GMDS: variants seen among roughly 807,000 people sequenced by gnomAD.
The protein encoded by GMDS is GDP-mannose 4,6-dehydratase.
A neutral mutation model predicts 49.9 loss-of-function variants in GMDS; 20 were observed. The ratio of observed to expected loss-of-function variants is 0.40; its 90% confidence interval spans 0.28 to 0.58. The LOEUF is 0.58. Ranked by LOEUF, GMDS falls within the 20% of genes least tolerant of loss-of-function variation. The pLI is 0.42. For missense variants in GMDS, 362 were observed against 481.4 expected, an observed-to-expected ratio of 0.75 and a Z score of 2.32; for synonymous variants, 177 against 178.6, an observed-to-expected ratio of 0.99 and a Z score of 0.07.
At chr6:2,217,270 C>T (rs1780385383) in intron 1 of GMDS, among the ~76,000 whole-genome samples, 1 of 152,136 alleles carries the variant, frequency 6.6e-6, no homozygotes, top group African/African-American at 2.4e-5. Flanking sequence ...TTAATTTCCC[C>T]TCACCTCACT....
At chr6:1,835,142 C>G (rs1377867442) in intron 7 of GMDS, among the ~76,000 whole-genome samples, 1 of 152,044 alleles carries the variant, frequency 6.6e-6, no homozygotes, top group Non-Finnish European at 1.5e-5. Context: ...GGGAGGGGCA[C>G]AGAGTCTGTG....
intron 6 of GMDS, among the ~76,000 whole-genome samples, chr6:1,954,690 T>C (rs1763535553): frequency 1.3e-5 from 2 of 152,358 alleles, no homozygotes; most frequent in South Asian, 4.1e-4. Context: ...TATTATGAGA[T>C]TGCACACGAT....
chr6:1,683,070 C>G (rs1244488965), intron 9 of GMDS, among the ~76,000 whole-genome samples: 2 of 152,194 alleles, frequency 1.3e-5, no homozygotes, highest in Non-Finnish European at 1.5e-5. Context: ...GACATCCTGT[C>G]TCTTTGGGAC....
intron 4 of GMDS, among the ~76,000 whole-genome samples, chr6:2,065,419 T>C (rs946872971): frequency 1.1e-4 from 17 of 152,366 alleles, no homozygotes; most frequent in Admixed American, 7.8e-4. Context: ...CAAAGCTGGA[T>C]GGAGAATGAC....
At chr6:1,872,506 G>A (rs1758820431) in intron 7 of GMDS, among the ~76,000 whole-genome samples, 1 of 152,192 alleles carries the variant, frequency 6.6e-6, no homozygotes. Context: ...GCAGGGATAT[G>A]ATAGTCCTAT....
At chr6:1,638,554 C>T (rs1342514176) in intron 9 of GMDS, among the ~76,000 whole-genome samples, 1 of 146,092 alleles carries the variant, frequency 6.8e-6, no homozygotes, top group African/African-American at 2.5e-5. Flanking sequence ...GACTCCCAGA[C>T]TTCCTCAGGC....
At chr6:1,730,567 A>G (rs1336678186) in intron 8 of GMDS, among the ~76,000 whole-genome samples, 3 of 152,156 alleles carry the variant, frequency 2.0e-5, no homozygotes, top group African/African-American at 7.2e-5. Flanking sequence ...TGAAGGCTAC[A>G]GGCTCAGTGA....
intron 9 of GMDS, among the ~76,000 whole-genome samples, chr6:1,642,356 A>C (rs1763356771): frequency 6.6e-6 from 1 of 151,858 alleles, no homozygotes; most frequent in African/African-American, 2.4e-5. Flanking sequence ...TTTAGTAGAG[A>C]CAGGGTTTCA....
chr6:1,894,637 A>G (rs1760059203), intron 7 of GMDS, among the ~76,000 whole-genome samples: 1 of 152,200 alleles, frequency 6.6e-6, no homozygotes. Flanking sequence ...TAATTTCCAC[A>G]ATCAGATATC....
At chr6:1,752,301 C>T (rs553661598) in intron 7 of GMDS, among the ~76,000 whole-genome samples, 82 of 152,060 alleles carry the variant, frequency 5.4e-4, no homozygotes, top group African/African-American at 1.8e-3. Context: ...TGAAGGTCAA[C>T]TTAATGAAAT....
At chr6:2,044,931 T>C (rs1769911700) in intron 4 of GMDS, among the ~76,000 whole-genome samples, 1 of 152,026 alleles carries the variant, frequency 6.6e-6, no homozygotes, top group Non-Finnish European at 1.5e-5. Flanking sequence ...ACTTTACAAT[T>C]CGATTAGGAA....
chr6:1,780,829 A>G (rs1769051377), intron 7 of GMDS, among the ~76,000 whole-genome samples: 2 of 152,218 alleles, frequency 1.3e-5, no homozygotes, highest in African/African-American at 4.8e-5. Flanking sequence ...CAAGGTGATG[A>G]TTCCATTTAA....
chr6:1,829,790 C>T (rs1277561189), intron 7 of GMDS, among the ~76,000 whole-genome samples: 1 of 152,162 alleles, frequency 6.6e-6, no homozygotes, highest in Admixed American at 6.6e-5. Context: ...CGGGGGGAAT[C>T]AAATCATCAT....
Position 1,640,139 on chromosome 6 carries a change from G to A in GMDS, c.988-15599C>T, listed in dbSNP as rs1305910638. Among the ~76,000 whole-genome samples, 2 of 152,200 alleles carry A rather than the reference G, an allele frequency of 1.3e-5. No individual in the cohort carries two copies. Among genetic ancestry groups the A allele is most frequent in the Admixed American group, 6.5e-5 (1 of 15,280 alleles). ...GGATGCAGTTAGACCCCAGAAGGAT[G>A]TACCAGTCCATGGCACCAGCTCGGC... is the stretch of plus-strand genomic sequence containing the variant. On this transcript the variant is annotated intron_variant, in intron 9 of 10. Transcript: ENST00000380815. The surrounding 1 kb of genome is among the most constrained non-coding windows in gnomAD (Gnocchi z 4.0).
At chr6:2,052,848 A>C (rs965953318) in intron 4 of GMDS, among the ~76,000 whole-genome samples, 1 of 152,218 alleles carries the variant, frequency 6.6e-6, no homozygotes, top group Admixed American at 6.5e-5. Context: ...GACCAAGATA[A>C]TACAATAAGA....
chr6:2,224,986 G>A (rs567623984), intron 1 of GMDS, among the ~76,000 whole-genome samples: 1 of 151,928 alleles, frequency 6.6e-6, no homozygotes, highest in East Asian at 1.9e-4. Flanking sequence ...AGATTTGAAC[G>A]CACGTACGTC....
chr6:2,017,617 AC>A (rs1394418672), intron 4 of GMDS, among the ~76,000 whole-genome samples: 8 of 151,812 alleles, frequency 5.3e-5, no homozygotes, highest in Admixed American at 1.3e-4. Context: ...CCCACAATTG[AC>A]CCTTTTAACA....
chr6:1,847,368 G>A (rs1757455793), intron 7 of GMDS, among the ~76,000 whole-genome samples: 1 of 152,144 alleles, frequency 6.6e-6, no homozygotes, highest in Non-Finnish European at 1.5e-5. Context: ...TATTCTTTAA[G>A]AAATCTAGAA....
intron 7 of GMDS, among the ~76,000 whole-genome samples, chr6:1,878,528 G>A (rs568011878): frequency 6.6e-6 from 1 of 152,144 alleles, no homozygotes; most frequent in East Asian, 1.9e-4. Flanking sequence ...ACAGACATGC[G>A]ACATTCATTC....
Sources: allele counts gnomAD v4.1 joint callset (sites outside exome capture counted in the v4.1 genomes callset), GRCh38; gene constraint gnomAD v4.1.1; non-coding constraint Gnocchi (gnomAD v3.1); transcripts MANE v1.5; gene names NCBI Gene and HGNC (gene_info 2026-07-23, HGNC 2026-07-21).